Variants in EXOC4 observed in about 807,000 individuals in gnomAD.
The protein encoded by EXOC4 is SEC8-like 1.
EXOC4 carries 71 observed loss-of-function variants against 107.2 expected under a neutral mutation model. That is an observed-to-expected ratio of 0.66 (90% confidence interval 0.55 to 0.81). EXOC4 has a LOEUF of 0.81. EXOC4 is among the 30% of genes least tolerant of loss of function. EXOC4 has a pLI of 0.00. For synonymous variants in EXOC4, 456 were observed against 441.2 expected (o/e 1.03, Z -0.42); for missense variants, 1,108 against 1,189.6 (o/e 0.93, Z 1.01).
At chr7:133,611,257 G>A (rs900642083) in intron 9 of EXOC4, among the ~76,000 whole-genome samples, 2 of 152,178 alleles carry the variant, frequency 1.3e-5, no homozygotes, top group African/African-American at 4.8e-5. Flanking sequence ...TAGCGTGGTT[G>A]ATGATGGTCT....
intron 5 of EXOC4, among the ~76,000 whole-genome samples, chr7:133,325,885 A>G (rs1224974210): frequency 6.6e-6 from 1 of 152,068 alleles, no homozygotes; most frequent in Non-Finnish European, 1.5e-5. Flanking sequence ...ACATAGTCCC[A>G]TATTTCTTGG....
At chr7:133,602,523 C>G (rs1021544762) in intron 9 of EXOC4, among the ~76,000 whole-genome samples, 1 of 152,074 alleles carries the variant, frequency 6.6e-6, no homozygotes, top group Non-Finnish European at 1.5e-5. Flanking sequence ...CATTGAAATG[C>G]GAGAACTAAA....
At chr7:133,266,996 C>T (rs1793745660) in intron 1 of EXOC4, among the ~76,000 whole-genome samples, 1 of 152,146 alleles carries the variant, frequency 6.6e-6, no homozygotes, top group African/African-American at 2.4e-5. Context: ...ATTAACTTTG[C>T]TTGCCCATAT....
At chr7:133,855,079 C>CTAAATATATATATATATA (rs1798325131) in intron 11 of EXOC4, among the ~76,000 whole-genome samples, 15 of 43,738 alleles carry the variant, frequency 3.4e-4, no homozygotes, top group African/African-American at 2.3e-3. Context: ...CTAAATATAT[C>CTAAATATATATATATATA]TAAATATATA....
chr7:134,099,295 T>C, the EXOC4 span, among the ~76,000 whole-genome samples: 1 of 151,924 alleles, frequency 6.6e-6, no homozygotes, highest in Non-Finnish European at 1.5e-5. Context: ...ATTTTCACCA[T>C]CCGCCTCATG....
intron 9 of EXOC4, among the ~76,000 whole-genome samples, chr7:133,629,481 C>CTG (rs1802535236): frequency 6.6e-6 from 1 of 152,176 alleles, no homozygotes; most frequent in Admixed American, 6.5e-5. Flanking sequence ...TTTATTCTTA[C>CTG]TGTGAGTCCA....
intron 7 of EXOC4, among the ~76,000 whole-genome samples, chr7:133,424,973 T>C (rs577781338): frequency 1.3e-5 from 2 of 152,286 alleles, no homozygotes; most frequent in African/African-American, 4.8e-5. Flanking sequence ...AAGTTAGTGA[T>C]GGCAACCAGT....
intron 7 of EXOC4, among the ~76,000 whole-genome samples, chr7:133,431,463 G>A (rs1458223509): frequency 6.6e-6 from 1 of 152,206 alleles, no homozygotes; most frequent in East Asian, 1.9e-4. Context: ...ACCCTCCCTT[G>A]TGAGTCACTT....
intron 7 of EXOC4, among the ~76,000 whole-genome samples, chr7:133,379,197 G>A (rs551380895): frequency 3.2e-4 from 48 of 152,088 alleles, no homozygotes; most frequent in African/African-American, 1.1e-3. Flanking sequence ...CTACTCTGCT[G>A]TCTATATTCT....
In EXOC4 at chr7:133,802,419, A is replaced by C. The variant is rs961079300; in HGVS notation, c.1515-14906A>C. Among the ~76,000 whole-genome samples, 52 of 152,220 alleles carry C rather than the reference A, an allele frequency of 3.4e-4. 2 individuals are homozygous for C. Among genetic ancestry groups the C allele is most frequent in the Non-Finnish European group, 2.9e-5 (2 of 68,044 alleles). On this transcript the variant is annotated intron_variant, in intron 10 of 17. Coordinates refer to ENST00000253861, the MANE Select transcript of EXOC4 (RefSeq NM_021807.4). Reference sequence around the variant, plus strand: ...ATTCCTAGCTTCTAGGGCACAGCTTACATATGGTCAGTAAATGTTAATTGA... The same window carrying C: ...ATTCCTAGCTTCTAGGGCACAGCTTCCATATGGTCAGTAAATGTTAATTGA...
intron 17 of EXOC4, among the ~76,000 whole-genome samples, chr7:134,025,888 G>T (rs1200613601): frequency 6.6e-6 from 1 of 152,120 alleles, no homozygotes; most frequent in Non-Finnish European, 1.5e-5. Context: ...TTTAATGTAG[G>T]AGAGGACTAA....
intron 9 of EXOC4, among the ~76,000 whole-genome samples, chr7:133,540,537 C>T (rs1800360365): frequency 6.6e-6 from 1 of 152,178 alleles, no homozygotes; most frequent in Non-Finnish European, 1.5e-5. Context: ...TGCTAAGTTG[C>T]CTTTTTATTC....
chr7:133,255,609 T>C (rs563281062), intron 1 of EXOC4, among the ~76,000 whole-genome samples: 1 of 152,312 alleles, frequency 6.6e-6, no homozygotes, highest in East Asian at 1.9e-4. Flanking sequence ...TGGGATGCAT[T>C]GTTATATATG....
chr7:133,748,440 CCA>C (rs751842256), intron 10 of EXOC4, among the ~76,000 whole-genome samples: 2 of 152,128 alleles, frequency 1.3e-5, no homozygotes, highest in Non-Finnish European at 1.5e-5. Flanking sequence ...ATGAGAGGAA[CCA>C]CATGAAGGCC....
intron 3 of EXOC4, among the ~76,000 whole-genome samples, chr7:133,299,080 A>G (rs1794586273): frequency 6.6e-6 from 1 of 152,196 alleles, no homozygotes; most frequent in African/African-American, 2.4e-5. Flanking sequence ...GGAAAGAACT[A>G]GGTTAAAATA....
chr7:133,328,973 A>G (rs1397080924), intron 5 of EXOC4, among the ~76,000 whole-genome samples: 1 of 152,114 alleles, frequency 6.6e-6, no homozygotes, highest in African/African-American at 2.4e-5. Context: ...CTGTCTTGCT[A>G]GGTTGGGGAA....
intron 7 of EXOC4, among the ~76,000 whole-genome samples, chr7:133,475,116 C>A (rs557122124): frequency 6.6e-6 from 1 of 152,214 alleles, no homozygotes; most frequent in South Asian, 2.1e-4. Flanking sequence ...AAATGCCCAC[C>A]CCGCCTCTTC....
chr7:134,035,046 CT>C (rs146401762), intron 17 of EXOC4, among the ~76,000 whole-genome samples: 3,927 of 128,778 alleles, frequency 0.03, 145 homozygotes, highest in African/African-American at 0.11. Context: ...CTTTTCTTTA[CT>C]TTTTTTTTTT....
In EXOC4 at chr7:133,317,035, A is replaced by G. The variant is rs139062968; in HGVS notation, c.657-249A>G. On this transcript the variant is annotated intron_variant, in intron 4 of 17. Coordinates refer to ENST00000253861, the MANE Select transcript of EXOC4 (RefSeq NM_021807.4). ...TACACTAATTTTTTAAACAGCATTG[A>G]ATGAAATGACAAAATAAAAATTTAA... Among the ~76,000 whole-genome samples, 71 of 152,310 alleles carry G rather than the reference A, an allele frequency of 4.7e-4. No individual in the cohort carries two copies. The East Asian group carries it at 0.012, about 25-fold the overall frequency.
Sources: allele counts gnomAD v4.1 joint callset (sites outside exome capture counted in the v4.1 genomes callset), GRCh38; gene constraint gnomAD v4.1.1; transcripts MANE v1.5; gene names NCBI Gene and HGNC (gene_info 2026-07-23, HGNC 2026-07-21).